The following UBE2E3 variants were observed in gnomAD, a reference collection of about 807,000 sequenced individuals.
UBE2E3 encodes the protein ubiquitin-conjugating enzyme E2 E3.
UBE2E3 carries 5 observed loss-of-function variants against 23.6 expected under a neutral mutation model. The observed-to-expected ratio is 0.21, with a 90% CI of 0.11 to 0.44. The LOEUF (loss-of-function observed/expected upper bound fraction) is 0.44, where lower values mean the gene tolerates loss of function less well. UBE2E3 is among the 20% of genes least tolerant of loss of function. UBE2E3 has a pLI of 0.99. For synonymous variants in UBE2E3, 78 were observed against 87.5 expected (o/e 0.89, Z 0.60); for missense variants, 81 against 249.8 (o/e 0.32, Z 4.55).
chr2:181,011,037 T>G (rs1403359823), intron 3 of UBE2E3, among the ~76,000 whole-genome samples: 3 of 152,152 alleles, frequency 2.0e-5, no homozygotes, highest in Non-Finnish European at 4.4e-5. Context: ...AGCCCTTCAC[T>G]TAATAAAATT....
intron 3 of UBE2E3, among the ~76,000 whole-genome samples, chr2:181,030,263 T>G (rs1686034829): frequency 6.6e-6 from 1 of 152,102 alleles, no homozygotes; most frequent in Non-Finnish European, 1.5e-5. Flanking sequence ...TGGTTTTGCT[T>G]TAATCTATTA....
chr2:180,982,843 C>A (rs951566814), intron 2 of UBE2E3, among the ~76,000 whole-genome samples: 4 of 152,108 alleles, frequency 2.6e-5, no homozygotes, highest in Non-Finnish European at 5.9e-5. Flanking sequence ...GAAAAGTAGC[C>A]CTTTACAATT....
chr2:181,044,602 G>A (rs1175936037), intron 3 of UBE2E3, among the ~76,000 whole-genome samples: 2 of 152,060 alleles, frequency 1.3e-5, no homozygotes, highest in Non-Finnish European at 2.9e-5. Flanking sequence ...ACTACTTTTT[G>A]TAATTTCAAG....
chr2:180,985,542 G>A (rs62180076), intron 3 of UBE2E3, among the ~76,000 whole-genome samples: 35,174 of 151,766 alleles, frequency 0.23, 4,444 homozygotes, highest in Non-Finnish European at 0.28. Context: ...TTAAAATTAC[G>A]TATGTGACTT....
chr2:181,027,031 A>G (rs1685914207), intron 3 of UBE2E3, among the ~76,000 whole-genome samples: 1 of 151,950 alleles, frequency 6.6e-6, no homozygotes, highest in Non-Finnish European at 1.5e-5. Flanking sequence ...TGTGCAGAGA[A>G]TTGCGCAGAG....
At chr2:180,982,832 T>C (rs1684345146) in intron 2 of UBE2E3, among the ~76,000 whole-genome samples, 1 of 152,212 alleles carries the variant, frequency 6.6e-6, no homozygotes, top group Non-Finnish European at 1.5e-5. Flanking sequence ...CAAATCAAAC[T>C]GAAAAGTAGC....
chr2:181,002,504 T>C (rs576700986), intron 3 of UBE2E3, among the ~76,000 whole-genome samples: 83 of 152,328 alleles, frequency 5.4e-4, no homozygotes, highest in African/African-American at 1.9e-3. Flanking sequence ...ATTGCCATGA[T>C]TTACAACAGT....
At chr2:180,993,553 A>G (rs530197419) in intron 3 of UBE2E3, among the ~76,000 whole-genome samples, 1 of 152,004 alleles carries the variant, frequency 6.6e-6, no homozygotes, top group Admixed American at 6.6e-5. Context: ...TTACCTTTTT[A>G]TTTTATTTTC....
Position 181,004,384 on chromosome 2 carries a change from C to T in UBE2E3, c.245+20291C>T, listed in dbSNP as rs535780451. 1.2e-4 allele frequency among the ~76,000 whole-genome samples: 18 copies of T among 152,206 alleles called. No individual in the cohort carries two copies. The South Asian group carries it at 3.5e-3, about 30-fold the overall frequency. ...GTGTGGTGGCTCGCACCTGTAATCC[C>T]AGCACTTTGGGAGGCTGAGGAGGGC... On this transcript the variant is annotated intron_variant, in intron 3 of 5. Transcript: ENST00000410062.
chr2:180,991,149 A>ATTTTTTTTT (rs35348964), intron 3 of UBE2E3, among the ~76,000 whole-genome samples: 1 of 150,902 alleles, frequency 6.6e-6, no homozygotes, highest in Non-Finnish European at 1.5e-5. Flanking sequence ...AAAACCTTTG[A>ATTTTTTTTT]TTTTTTTTTC....
chr2:181,060,594 A>ATT, intron 4 of UBE2E3, 71 bp from the exon 5 acceptor site: 2 of 1,325,936 alleles, frequency 1.5e-6, no homozygotes, highest in Non-Finnish European at 2.0e-6. Flanking sequence ...ATTACCCTTC[A>ATT]TTTTTTTTTA....
At chr2:181,057,310 A>G (rs1687016610) in intron 3 of UBE2E3, among the ~76,000 whole-genome samples, 1 of 151,836 alleles carries the variant, frequency 6.6e-6, no homozygotes, top group African/African-American at 2.4e-5. Context: ...GCACACTGAC[A>G]TGTTTATGGG....
At chr2:181,035,992 A>G (rs941362432) in intron 3 of UBE2E3, among the ~76,000 whole-genome samples, 5 of 152,218 alleles carry the variant, frequency 3.3e-5, no homozygotes, top group African/African-American at 9.6e-5. Flanking sequence ...CATTCTTCAA[A>G]CAGTAAAGTC....
chr2:181,017,796 C>T (rs142621607), intron 3 of UBE2E3, among the ~76,000 whole-genome samples: 281 of 148,176 alleles, frequency 1.9e-3, no homozygotes, highest in African/African-American at 6.7e-3. Flanking sequence ...CTTTCAGCTC[C>T]GAACTAAAAC....
intron 3 of UBE2E3, among the ~76,000 whole-genome samples, chr2:181,009,355 C>T (rs1518457): frequency 0.23 from 35,265 of 151,848 alleles, 4,456 homozygotes; most frequent in Non-Finnish European, 0.28. Context: ...TTTATTTTGG[C>T]ATATACACCA....
intron 5 of UBE2E3, among the ~76,000 whole-genome samples, chr2:181,062,230 TA>T (rs1460241877): frequency 3.3e-5 from 5 of 151,728 alleles, no homozygotes; most frequent in Admixed American, 3.3e-4. Flanking sequence ...CATATGTACA[TA>T]TTTTTTTGTT....
At position 181,060,670 on chromosome 2, in the gene UBE2E3, T is replaced by C. The variant is rs768380629; in HGVS notation, c.384T>C (p.Thr128=). ...SDYPFKPPKV[T]FRTRIYHCNI... ...TTTAATGTGACTGTGCTTAGGTTAC[T>C]TTCCGCACCAGAATCTATCACTGCA... The change falls in exon 5 of 6, where the codon ACT becomes ACC. Residue 128 remains threonine, a synonymous_variant. Transcript: ENST00000410062. 2 of 1,601,964 alleles carry C rather than the reference T, an allele frequency of 1.2e-6. No homozygotes were observed. The highest frequency in any genetic ancestry group is 4.5e-5 in the East Asian group (2 of 44,578).
intron 3 of UBE2E3, among the ~76,000 whole-genome samples, chr2:181,033,684 T>A (rs1686164684): frequency 6.6e-6 from 1 of 152,066 alleles, no homozygotes. Flanking sequence ...ACAAATGGGA[T>A]CTCATTAAAC....
At position 181,010,611 on chromosome 2, in the gene UBE2E3, A is replaced by G. The variant is rs538138402; in HGVS notation, c.245+26518A>G. ...CAGGTAGATATAAAAGGAAAATAGT[A>G]GATAGCAGAATTTTTCCAAATGTCA... On this transcript the variant is annotated intron_variant, in intron 3 of 5. Coordinates refer to ENST00000410062, the MANE Select transcript of UBE2E3 (RefSeq NM_006357.4). Among the ~76,000 whole-genome samples the G allele has an allele frequency of 7.9e-5, 12 of 152,320 alleles. 1 individual carries two copies. The South Asian group carries it at 2.5e-3, about 32-fold the overall frequency.
Sources: gnomAD v4.1 joint callset for allele counts (sites outside exome capture counted in the v4.1 genomes callset) on GRCh38, gnomAD v4.1.1 for gene constraint, MANE v1.5 for transcripts, NCBI Gene and HGNC (gene_info 2026-07-23, HGNC 2026-07-21) for gene names.